Variants in RHBDL3 observed in about 807,000 individuals in gnomAD.
The protein encoded by RHBDL3 is rhomboid like 3.
RHBDL3 carries 28 observed loss-of-function variants against 48.2 expected under a neutral mutation model. The observed-to-expected ratio is 0.58, with a 90% CI of 0.43 to 0.80. The LOEUF is 0.80. Ranked by LOEUF, RHBDL3 falls within the 30% of genes least tolerant of loss-of-function variation. RHBDL3 has a pLI of 0.00. For missense variants in RHBDL3, 464 were observed against 542.7 expected, an observed-to-expected ratio of 0.85 and a Z score of 1.44; for synonymous variants, 208 against 232.3, an observed-to-expected ratio of 0.90 and a Z score of 0.95.
At chr17:32,267,982 T>C (rs2039677993) in intron 2 of RHBDL3, 57 bp downstream of exon 2, 1 of 1,382,786 alleles carries the variant, frequency 7.2e-7, no homozygotes. Context: ...TCGGTCTCAG[T>C]CTCCCTGCTT....
intron 2 of RHBDL3, among the ~76,000 whole-genome samples, 191 bp downstream of exon 2, chr17:32,268,116 G>T (rs1235034765): frequency 2.0e-5 from 3 of 152,162 alleles, no homozygotes; most frequent in South Asian, 2.1e-4. Flanking sequence ...GGGCTCCCCT[G>T]AGAGGATCTC....
intron 6 of RHBDL3, among the ~76,000 whole-genome samples, chr17:32,299,506 T>G (rs1467066702): frequency 6.6e-6 from 1 of 152,208 alleles, no homozygotes; most frequent in African/African-American, 2.4e-5. Context: ...AATCCTGACA[T>G]CTGAGGATTG....
rs1380330761 is a variant in RHBDL3, at chr17:32,267,753, G to T, written c.112-149G>T. 5.4e-6 allele frequency: 8 copies of T among 1,483,500 alleles called. No individual in the cohort carries two copies. In the Admixed American group the frequency reaches 8.1e-5, roughly 15 times the overall value. 91.9% of individuals were successfully genotyped at this position (1,483,500 alleles called of 1,614,324 possible). A position where few individuals can be genotyped will look rare whatever the true frequency, so the allele number is the denominator to read the frequency against. The stretch of plus-strand genomic sequence containing the variant: ...CCTCCCAGACTTCCCCTGCTCTCCT[G>T]TGGCCAGTCCCTGAGCCTGGTCATG... On this transcript the variant is annotated intron_variant, in intron 1 of 8. Transcript: ENST00000269051.
At chr17:32,318,919 GTC>G (rs2041040017) in intron 8 of RHBDL3, among the ~76,000 whole-genome samples, 1 of 152,104 alleles carries the variant, frequency 6.6e-6, no homozygotes. Context: ...CCCTCTGTGG[GTC>G]TCTCTGGATC....
chr17:32,289,439 G>GA (rs1218462751), intron 4 of RHBDL3, among the ~76,000 whole-genome samples: 4 of 152,110 alleles, frequency 2.6e-5, no homozygotes, highest in African/African-American at 9.7e-5. Context: ...TTTCCCGCCT[G>GA]AAAATCAGAA....
chr17:32,277,111 C>T (rs1012205051), intron 2 of RHBDL3, among the ~76,000 whole-genome samples: 3 of 152,214 alleles, frequency 2.0e-5, no homozygotes, highest in African/African-American at 7.2e-5. Flanking sequence ...AGGTCTCCAC[C>T]TTCCTGACTC....
At chr17:32,306,464 G>A (rs913376322) in intron 7 of RHBDL3, among the ~76,000 whole-genome samples, 1 of 151,808 alleles carries the variant, frequency 6.6e-6, no homozygotes, top group Admixed American at 6.6e-5. Flanking sequence ...TGTCATGGGA[G>A]GGGGGCACCA....
intron 7 of RHBDL3, among the ~76,000 whole-genome samples, chr17:32,310,542 A>T (rs1216702617): frequency 1.3e-5 from 2 of 151,916 alleles, no homozygotes; most frequent in Non-Finnish European, 2.9e-5. Flanking sequence ...GTGAAACCCC[A>T]TCTCAACTAA....
At position 32,321,379 on chromosome 17, in the gene RHBDL3, C is replaced by T; in HGVS notation, c.*150C>T. 1 of 1,537,152 alleles carries T rather than the reference C, an allele frequency of 6.5e-7. No homozygotes were observed. Among genetic ancestry groups the T allele is most frequent in the Non-Finnish European group, 8.7e-7 (1 of 1,146,746 alleles). On this transcript the variant is annotated 3_prime_UTR_variant, in exon 9 of 9. Transcript: ENST00000269051. ...TGTAATGTTTGTGTTTAGATTTGGACACACAGTGGAGACCCTTTTCTGAAA... is the reference window on the plus strand; with the variant it reads ...TGTAATGTTTGTGTTTAGATTTGGATACACAGTGGAGACCCTTTTCTGAAA...
At chr17:32,320,260 G>T (rs2041091710) in intron 8 of RHBDL3, among the ~76,000 whole-genome samples, 1 of 152,146 alleles carries the variant, frequency 6.6e-6, no homozygotes, top group African/African-American at 2.4e-5. Flanking sequence ...AGTGAGACCT[G>T]TGTCAACAAG....
intron 2 of RHBDL3, among the ~76,000 whole-genome samples, chr17:32,272,291 C>G (rs1047326939): frequency 6.6e-6 from 1 of 152,238 alleles, no homozygotes; most frequent in African/African-American, 2.4e-5. Flanking sequence ...TCCAGTGTCT[C>G]CCCTTCCCAG....
intron 1 of RHBDL3, 69 bp downstream of exon 1, chr17:32,266,369 C>T (rs1224933513): frequency 3.7e-6 from 3 of 818,100 alleles, no homozygotes; most frequent in Non-Finnish European, 5.2e-6. Context: ...CCCTGTCTCG[C>T]CCCACGCCGG....
In RHBDL3 at chr17:32,323,403, A is replaced by G. The variant is rs1461120802; in HGVS notation, c.*2174A>G. On this transcript the variant is annotated 3_prime_UTR_variant, in exon 9 of 9. Transcript: ENST00000269051. The stretch of plus-strand genomic sequence containing the variant: ...GGGAGGATGCAGAAGGAGTCAGGAC[A>G]TTGCTGCCTCTGCCTGGGCTGCAGC... 1.3e-5 allele frequency: 2 copies of G among 152,324 alleles called. No individual in the cohort carries two copies. The highest frequency in any genetic ancestry group is 2.9e-5 in the Non-Finnish European group (2 of 68,152). 9.4% of individuals were successfully genotyped at this position (152,324 alleles called of 1,614,324 possible).
intron 3 of RHBDL3, among the ~76,000 whole-genome samples, chr17:32,285,868 G>T (rs111680049): frequency 0.021 from 3,161 of 152,280 alleles, 53 homozygotes; most frequent in South Asian, 0.059. Flanking sequence ...CCACATGAGC[G>T]CTCTGATGTG....
intron 5 of RHBDL3, among the ~76,000 whole-genome samples, chr17:32,297,317 A>C (rs2040474676): frequency 6.6e-6 from 1 of 152,096 alleles, no homozygotes; most frequent in Admixed American, 6.5e-5. Flanking sequence ...AAAATACAAA[A>C]ATTAGCCGGG....
intron 8 of RHBDL3, 123 bp downstream of exon 8, chr17:32,316,415 G>A: frequency 4.4e-6 from 3 of 677,990 alleles, no homozygotes; most frequent in Non-Finnish European, 2.6e-6. Context: ...CATGTCAATG[G>A]TTAGCAAAAA....
chr17:32,312,418 G>C (rs1172870355), intron 7 of RHBDL3, among the ~76,000 whole-genome samples: 1 of 152,084 alleles, frequency 6.6e-6, no homozygotes, highest in African/African-American at 2.4e-5. Context: ...CTGGGCAATA[G>C]AGTAAGACCC....
In RHBDL3 at chr17:32,321,797, G is replaced by A. The variant is rs2041140266; in HGVS notation, c.*568G>A. On this transcript the variant is annotated 3_prime_UTR_variant, in exon 9 of 9. Coordinates refer to ENST00000269051, the MANE Select transcript of RHBDL3 (RefSeq NM_138328.3). ...AGGGTGCCCTCCTGGGCTGGTTGGT[G>A]TGCACCGGGGCATGATCTGTTGTGC... The A allele has an allele frequency of 9.9e-6, 2 of 201,312 alleles. No homozygotes were observed. The highest frequency in any genetic ancestry group is 9.7e-5 in the South Asian group (1 of 10,276). The allele number at this position is 201,312 out of a possible 1,614,324, so 12.5% of individuals were successfully genotyped here. A position where few individuals can be genotyped will look rare whatever the true frequency, so the allele number is the denominator to read the frequency against.
At chr17:32,289,469 C>T (rs2040276897) in intron 4 of RHBDL3, among the ~76,000 whole-genome samples, 1 of 152,234 alleles carries the variant, frequency 6.6e-6, no homozygotes, top group African/African-American at 2.4e-5. Flanking sequence ...CCTGCCTTCC[C>T]TCTCCCAGGA....
Sources: allele counts gnomAD v4.1 joint callset (sites outside exome capture counted in the v4.1 genomes callset), GRCh38; gene constraint gnomAD v4.1.1; transcripts MANE v1.5; gene names NCBI Gene and HGNC (gene_info 2026-07-23, HGNC 2026-07-21).